ANKRD11: variants seen among roughly 807,000 people sequenced by gnomAD.
The protein encoded by ANKRD11 is ankyrin repeat domain 11.
In ANKRD11, 17 loss-of-function variants were observed where a neutral mutation model predicts 195.7. That is an observed-to-expected ratio of 0.09 (90% CI 0.06 to 0.13). ANKRD11 has a LOEUF of 0.13. Among genes scored for constraint, ANKRD11 ranks in the 10% least tolerant of loss-of-function variants. ANKRD11 has a pLI of 1.00. For synonymous variants in ANKRD11, 1,953 were observed against 1,528.1 expected (o/e 1.28, Z -6.49); for missense variants, 3,735 against 3,566.1 (o/e 1.05, Z -1.21).
At chr16:89,489,602 A>G (rs1396134656) in intron 1 of ANKRD11, among the ~76,000 whole-genome samples, 1 of 151,550 alleles carries the variant, frequency 6.6e-6, no homozygotes, top group Non-Finnish European at 1.5e-5. Flanking sequence ...AATAACAACT[A>G]CGACCAGCAC....
chr16:89,313,572 C>T (rs141910490), intron 3 of ANKRD11: 165 of 1,289,096 alleles, frequency 1.3e-4, no homozygotes, highest in East Asian at 2.2e-4. Flanking sequence ...ACTGAGATCA[C>T]GATTCTTTTG....
chr16:89,299,601 G>A (rs1597521396), intron 4 of ANKRD11: 7 of 172,488 alleles, frequency 4.1e-5, no homozygotes, highest in East Asian at 2.3e-4. Flanking sequence ...GCCCTGTGTG[G>A]GGTGCCTGCC....
At chr16:89,449,278 T>A (rs1280088350) in intron 1 of ANKRD11, among the ~76,000 whole-genome samples, 1 of 151,566 alleles carries the variant, frequency 6.6e-6, no homozygotes, top group African/African-American at 2.4e-5. Context: ...GGTGGGAGGA[T>A]CACTCGAGGT....
intron 2 of ANKRD11, among the ~76,000 whole-genome samples, chr16:89,406,358 G>A (rs1190614050): frequency 1.3e-5 from 2 of 152,094 alleles, no homozygotes; most frequent in Non-Finnish European, 1.5e-5. Flanking sequence ...CCCACACCTG[G>A]GCCTCGGCCA....
intron 2 of ANKRD11, among the ~76,000 whole-genome samples, chr16:89,365,151 T>C (rs955869580): frequency 4.6e-5 from 7 of 152,362 alleles, no homozygotes; most frequent in African/African-American, 1.7e-4. Context: ...TTTTACTAGA[T>C]GATTAACTCA....
At chr16:89,325,294 C>T (rs914990805) in intron 2 of ANKRD11, among the ~76,000 whole-genome samples, 1 of 152,042 alleles carries the variant, frequency 6.6e-6, no homozygotes, top group South Asian at 2.1e-4. Context: ...AAAAATTAGC[C>T]GGGCACTGTG....
At position 89,449,326 on chromosome 16, in the gene ANKRD11, C is replaced by A. The variant is rs925791674; in HGVS notation, c.-144-30958G>T. ...GCTACAGTGAGCCGTGATCCCACCA[C>A]TGCATTCCATCCTGGGTGACAGAAT... On this transcript the variant is annotated intron_variant, in intron 1 of 12. Coordinates refer to ENST00000301030, the MANE Select transcript of ANKRD11 (RefSeq NM_013275.6). 4.6e-5 allele frequency among the ~76,000 whole-genome samples: 7 copies of A among 152,198 alleles called. No homozygotes were observed. In the South Asian group the frequency reaches 1.5e-3, roughly 32 times the overall value.
chr16:89,441,766 A>C (rs1396307000), intron 1 of ANKRD11, among the ~76,000 whole-genome samples: 2 of 116,722 alleles, frequency 1.7e-5, no homozygotes. Context: ...GACTCCGCCT[A>C]CAAAAAAAAA....
At chr16:89,418,834 A>G (rs1000820723) in intron 1 of ANKRD11, among the ~76,000 whole-genome samples, 6 of 149,500 alleles carry the variant, frequency 4.0e-5, no homozygotes, top group Non-Finnish European at 8.9e-5. Context: ...GCGTGATCTC[A>G]GCTCACTGCA....
intron 2 of ANKRD11, among the ~76,000 whole-genome samples, chr16:89,341,987 A>T (rs1597715666): frequency 3.9e-4 from 57 of 146,622 alleles, no homozygotes; most frequent in African/African-American, 1.4e-3. Flanking sequence ...CTGCACCTCC[A>T]CCCACAGCGG....
intron 2 of ANKRD11, among the ~76,000 whole-genome samples, chr16:89,383,677 C>T (rs777268575): frequency 2.6e-5 from 4 of 150,952 alleles, no homozygotes; most frequent in Non-Finnish European, 5.9e-5. Flanking sequence ...GGACCAGCAA[C>T]GCAGCAGACG....
intron 1 of ANKRD11, among the ~76,000 whole-genome samples, chr16:89,452,942 T>A (rs1340029119): frequency 1.3e-5 from 2 of 152,062 alleles, no homozygotes; most frequent in Non-Finnish European, 2.9e-5. Context: ...GATAAACACA[T>A]ACCATCTTTT....
At chr16:89,297,026 G>C (rs955517001) in intron 4 of ANKRD11, among the ~76,000 whole-genome samples, 1 of 152,036 alleles carries the variant, frequency 6.6e-6, no homozygotes, top group Non-Finnish European at 1.5e-5. Flanking sequence ...CTTTCCGTGG[G>C]GTCTGGGCCC....
rs563509473 is a variant in ANKRD11, at chr16:89,408,435, C to T, written c.-60+9849G>A. Among the ~76,000 whole-genome samples the T allele has an allele frequency of 2.0e-5, 3 of 152,340 alleles. No homozygotes were observed. In the South Asian group the frequency reaches 6.2e-4, roughly 32 times the overall value. On this transcript the variant is annotated intron_variant, in intron 2 of 12. Coordinates refer to ENST00000301030, the MANE Select transcript of ANKRD11 (RefSeq NM_013275.6). ...GGAAGAGGATGGCAGGTACACAGGC[C>T]GTTAGAAACGGCCTCACCCTGACCC...
chr16:89,345,336 C>T (rs544820212), intron 2 of ANKRD11, among the ~76,000 whole-genome samples: 9 of 151,194 alleles, frequency 6.0e-5, no homozygotes, highest in South Asian at 2.1e-4. Flanking sequence ...AGCTCAGTGC[C>T]GACACCCCCC....
intron 3 of ANKRD11, among the ~76,000 whole-genome samples, chr16:89,305,688 G>GCCAC (rs1261413973): frequency 3.5e-4 from 10 of 28,654 alleles, no homozygotes; most frequent in African/African-American, 7.7e-4. Flanking sequence ...GCAGACACGC[G>GCCAC]CCACCTCCCA....
chr16:89,312,358 A>G (rs2036653377), intron 3 of ANKRD11, among the ~76,000 whole-genome samples: 1 of 152,012 alleles, frequency 6.6e-6, no homozygotes, highest in Non-Finnish European at 1.5e-5. Context: ...AGATGAGGAC[A>G]GTGTGTTCTA....
chr16:89,326,543 G>C (rs921673365), intron 2 of ANKRD11, among the ~76,000 whole-genome samples: 1 of 152,172 alleles, frequency 6.6e-6, no homozygotes, highest in Non-Finnish European at 1.5e-5. Flanking sequence ...CCAAGAGTTT[G>C]AGACCCGGGC....
intron 2 of ANKRD11, among the ~76,000 whole-genome samples, chr16:89,385,411 G>A (rs1253582570): frequency 2.6e-5 from 4 of 152,130 alleles, no homozygotes; most frequent in African/African-American, 7.2e-5. Context: ...TTACAGGCGT[G>A]AGCCACCGGA....
Sources: allele counts gnomAD v4.1 joint callset (sites outside exome capture counted in the v4.1 genomes callset), GRCh38; gene constraint gnomAD v4.1.1; transcripts MANE v1.5; gene names NCBI Gene and HGNC (gene_info 2026-07-23, HGNC 2026-07-21).